SPNS2: variants seen among roughly 807,000 people sequenced by gnomAD.
The protein encoded by SPNS2 is sphingosine-1-phosphate transporter SPNS2.
In SPNS2, 37 loss-of-function variants were observed where a neutral mutation model predicts 57.6. The observed-to-expected ratio is 0.64, with a 90% CI of 0.49 to 0.85. The LOEUF (loss-of-function observed/expected upper bound fraction) is 0.85, where lower values mean the gene tolerates loss of function less well. Ranked by LOEUF, SPNS2 falls within the 40% of genes least tolerant of loss-of-function variation. The pLI is 0.00. For synonymous variants in SPNS2, 440 were observed against 346.9 expected (o/e 1.27, Z -2.98); for missense variants, 831 against 779.1 (o/e 1.07, Z -0.79).
chr17:4,532,726 T>G (rs1597369549), intron 6 of SPNS2, 42 bp downstream of exon 6: 1 of 1,597,996 alleles, frequency 6.3e-7, no homozygotes, highest in African/African-American at 1.3e-5. Flanking sequence ...GAGAGAGGGG[T>G]GCTGAGATGA....
intron 5 of SPNS2, among the ~76,000 whole-genome samples, 196 bp from the exon 6 acceptor site, chr17:4,532,346 C>G (rs1905524474): frequency 6.6e-6 from 1 of 152,186 alleles, no homozygotes; most frequent in Non-Finnish European, 1.5e-5. Flanking sequence ...CTGGACAGGC[C>G]ATCTCAAGCC....
chr17:4,532,974 C>T lies in SPNS2; in HGVS notation c.936-3C>T, dbSNP rs373670669. 2 of 1,609,566 alleles carry T rather than the reference C, an allele frequency of 1.2e-6. No individual in the cohort carries two copies. The highest frequency in any genetic ancestry group is 1.7e-6 in the Non-Finnish European group (2 of 1,177,840). ...TCAGTGTCACTGCCTGGCCTCTCCC[C>T]AGCCGCAGCTACGTCTTCTCCTCCC... On this transcript the variant is annotated splice_polypyrimidine_tract_variant and splice_region_variant and intron_variant, in intron 6 of 12. Transcript: ENST00000329078.
At chr17:4,500,853 G>A (rs1256655408) in intron 1 of SPNS2, among the ~76,000 whole-genome samples, 5 of 151,892 alleles carry the variant, frequency 3.3e-5, no homozygotes, top group Admixed American at 2.6e-4. Context: ...TCCGCTGGAG[G>A]AAATTGGAAG....
intron 9 of SPNS2, among the ~76,000 whole-genome samples, chr17:4,535,776 G>C (rs1041309353): frequency 2.6e-5 from 4 of 152,136 alleles, no homozygotes; most frequent in African/African-American, 9.7e-5. Context: ...GGGGCAGGTC[G>C]CAGTGGTCTG....
chr17:4,533,477 G>A, intron 8 of SPNS2, 45 bp downstream of exon 8: 1 of 1,539,204 alleles, frequency 6.5e-7, no homozygotes, highest in East Asian at 2.3e-5. Context: ...CTGGGCCTGG[G>A]CCGCGGGAGG....
Position 4,536,100 on chromosome 17 carries a change from G to A in SPNS2, c.1369G>A (p.Ala457Thr), listed in dbSNP as rs371750743. The A allele has an allele frequency of 1.2e-5, 19 of 1,612,064 alleles. No homozygotes were observed. The highest frequency in any genetic ancestry group is 4.0e-5 in the African/African-American group (3 of 75,022). The part of the protein sequence containing the change: ...LMYVVIPTRR[A>T]TAVALQSFTS... ...GTACGTGGTCATCCCCACGCGGCGCGCCACTGCCGTGGCCTTGCAGAGCTT... is the reference window on the plus strand; with the variant it reads ...GTACGTGGTCATCCCCACGCGGCGCACCACTGCCGTGGCCTTGCAGAGCTT... Residue 457 changes from alanine (A) to threonine (T), a missense_variant, in exon 10 of 13, where the codon GCC becomes ACC. Ala to Thr is a moderately conservative substitution (Grantham distance 58). Coordinates refer to ENST00000329078, the MANE Select transcript of SPNS2 (RefSeq NM_001124758.3).
intron 2 of SPNS2, among the ~76,000 whole-genome samples, chr17:4,519,328 G>A (rs1905078227): frequency 6.6e-6 from 1 of 152,230 alleles, no homozygotes; most frequent in South Asian, 2.1e-4. Flanking sequence ...TGTGCCATGG[G>A]GATGGCTCCG....
At chr17:4,514,892 C>T (rs8076386) in intron 2 of SPNS2, among the ~76,000 whole-genome samples, 9,156 of 152,288 alleles carry the variant, frequency 0.06, 865 homozygotes, top group African/African-American at 0.2. Context: ...GCCCAACCCC[C>T]GCCCTGTGTG....
rs753234572 is a variant in SPNS2, at chr17:4,532,604, A to C, written c.855A>C (p.Lys285Asn). ...TCCTCATTCTGGTCCCAGCCACTAA[A>C]AGGGGTCATGCCGACCAGCTCGGGG... The part of the protein sequence containing the change: ...TLILILVPAT[K>N]RGHADQLGDQ... Residue 285 changes from lysine to asparagine, a missense_variant, in exon 6 of 13, where the codon AAA becomes AAC. Lys to Asn is a moderately conservative substitution (Grantham distance 94). Around this residue, in one of 2 missense-constraint regions of SPNS2, gnomAD observed 526 missense variants for 400.9 expected, o/e 1.31. Coordinates refer to ENST00000329078, the MANE Select transcript of SPNS2 (RefSeq NM_001124758.3). 1.2e-6 allele frequency: 2 copies of C among 1,613,424 alleles called. No homozygotes were observed. The highest frequency in any genetic ancestry group is 1.7e-6 in the Non-Finnish European group (2 of 1,179,440).
chr17:4,534,825 C>T (rs540725265), intron 9 of SPNS2, among the ~76,000 whole-genome samples: 37 of 152,172 alleles, frequency 2.4e-4, no homozygotes, highest in African/African-American at 7.0e-4. Flanking sequence ...GGGAGGAGTC[C>T]GTGCAGATTA....
intron 9 of SPNS2, chr17:4,534,267 T>C (rs1039433002): frequency 3.9e-6 from 1 of 258,810 alleles, no homozygotes; most frequent in East Asian, 8.6e-5. Context: ...ACAGAGGCTG[T>C]CTTCACAGGG....
intron 5 of SPNS2, among the ~76,000 whole-genome samples, chr17:4,531,507 G>T (rs147886881): frequency 6.6e-6 from 1 of 152,168 alleles, no homozygotes; most frequent in South Asian, 2.1e-4. Flanking sequence ...CTGTGTGGGG[G>T]CCCCAGAGTC....
Position 4,533,767 on chromosome 17 carries a change from G to A in SPNS2, c.1279-21G>A, listed in dbSNP as rs1476055817. The A allele has an allele frequency of 1.9e-6, 3 of 1,613,338 alleles. No individual in the cohort carries two copies. The African/African-American group carries it at 4.0e-5, about 22-fold the overall frequency. On this transcript the variant is annotated intron_variant, in intron 8 of 12. Coordinates refer to ENST00000329078, the MANE Select transcript of SPNS2 (RefSeq NM_001124758.3). ...GCGGATGGAGGGACCGCTGATGGTG[G>A]CTTTGCCTTCTCCCCGGCAGATCTG... is the stretch of plus-strand genomic sequence containing the variant.
chr17:4,535,357 C>T (rs573839289), intron 9 of SPNS2, among the ~76,000 whole-genome samples: 17 of 152,296 alleles, frequency 1.1e-4, no homozygotes, highest in Admixed American at 6.5e-4. Context: ...TGTCCCAGGC[C>T]AGTCGAGGCC....
In SPNS2 at chr17:4,535,440, C is replaced by T. The variant is rs192728386; in HGVS notation, c.1345-636C>T. Among the ~76,000 whole-genome samples the T allele has an allele frequency of 2.2e-3, 331 of 152,194 alleles. 2 individuals are homozygous for T. The highest frequency in any genetic ancestry group is 7.1e-3 in the African/African-American group (294 of 41,546). ...GGGAGGTGAGGACAAATGGCTGTGG[C>T]GGGGGTTCAGGTTCCCTCGGGAACA... On this transcript the variant is annotated intron_variant, in intron 9 of 12. Transcript: ENST00000329078.
intron 1 of SPNS2, among the ~76,000 whole-genome samples, chr17:4,500,811 C>T (rs1904473271): frequency 6.6e-6 from 1 of 151,884 alleles, no homozygotes; most frequent in Non-Finnish European, 1.5e-5. Context: ...TCCCCCCATT[C>T]CTGCTTTCAA....
In SPNS2 at chr17:4,530,657, G is replaced by C. The variant is rs566731138; in HGVS notation, c.599G>C (p.Arg200Pro). The stretch of plus-strand genomic sequence containing the variant: ...TACTTCTGGCTGCTGGTCCTGTCCC[G>C]GGGGCTGGTGGGCATCGGGGAGGCC... The part of the protein sequence containing the change: ...QQYFWLLVLS[R>P]GLVGIGEASY... The change falls in exon 4 of 13, where the codon CGG (arginine) becomes CCG (proline). Residue 200 changes from arginine (R) to proline (P), a missense_variant. This residue lies in a region of SPNS2 where 305 missense variants were observed against 378.3 expected (regional missense o/e 0.81). Transcript: ENST00000329078. 1 of 1,612,804 alleles carries C rather than the reference G, an allele frequency of 6.2e-7. No homozygotes were observed. The highest frequency in any genetic ancestry group is 8.5e-7 in the Non-Finnish European group (1 of 1,179,556).
chr17:4,508,578 T>C (rs1011372846), intron 1 of SPNS2, among the ~76,000 whole-genome samples: 1 of 151,912 alleles, frequency 6.6e-6, no homozygotes, highest in African/African-American at 2.4e-5. Context: ...GTGTGTGCGG[T>C]GGGCACTGTG....
chr17:4,531,015 T>C, intron 4 of SPNS2, 38 bp from the exon 5 acceptor site: 1 of 1,610,508 alleles, frequency 6.2e-7, no homozygotes, highest in Non-Finnish European at 8.5e-7. Context: ...CCCCAGCCCC[T>C]GTCTCTGCTC....
Sources: gnomAD v4.1 joint callset for allele counts (sites outside exome capture counted in the v4.1 genomes callset) on GRCh38, gnomAD v4.1.1 for gene constraint, gnomAD v4.1.1 regional missense constraint, MANE v1.5 for transcripts, NCBI Gene and HGNC (gene_info 2026-07-23, HGNC 2026-07-21) for gene names.